P2RY12: variants seen among roughly 807,000 people sequenced by gnomAD.
The protein encoded by P2RY12 is purinergic receptor P2Y12, also known as P2Y purinoceptor 12.
Under a neutral mutation model 4.5 loss-of-function variants are expected in P2RY12, and 3 were observed. That is an observed-to-expected ratio of 0.67 (90% CI 0.31 to 1.74). The LOEUF (loss-of-function observed/expected upper bound fraction) is 1.74. Ranked by LOEUF, P2RY12 falls within the 40% of genes most tolerant of loss-of-function variation. P2RY12 has a pLI of 0.09. For synonymous variants in P2RY12, 148 were observed against 154.1 expected (o/e 0.96, Z 0.29); for missense variants, 356 against 407.8 (o/e 0.87, Z 1.09).
intron 1 of P2RY12, among the ~76,000 whole-genome samples, chr3:151,371,098 A>G (rs1015620544): frequency 3.3e-5 from 5 of 152,158 alleles, no homozygotes; most frequent in Non-Finnish European, 7.4e-5. Flanking sequence ...AAACTAAATG[A>G]GGATCTCCTA....
At chr3:151,380,570 C>T (rs1712094234) in intron 1 of P2RY12, among the ~76,000 whole-genome samples, 1 of 142,788 alleles carries the variant, frequency 7.0e-6, no homozygotes, top group East Asian at 2.1e-4. Context: ...GCACACCAGC[C>T]TGGGAAACAA....
rs987477085 is a variant in P2RY12 at position 151,371,486 on chromosome 3, T to C, written c.-180+13206A>G. Reference sequence around the variant, plus strand: ...TTAATGAGAAACATATGATTATATATTGATAAATTGAAATACATTATTTAT... The same window carrying C: ...TTAATGAGAAACATATGATTATATACTGATAAATTGAAATACATTATTTAT... On this transcript the variant is annotated intron_variant, in intron 1 of 2. Coordinates refer to ENST00000302632, the MANE Select transcript of P2RY12 (RefSeq NM_022788.5). Among the ~76,000 whole-genome samples the C allele has an allele frequency of 2.6e-5, 4 of 152,342 alleles. 1 individual carries two copies. Among genetic ancestry groups the C allele is most frequent in the African/African-American group, 9.6e-5 (4 of 41,584 alleles).
rs988902142 is a variant in P2RY12, at chr3:151,368,146, C to T, written c.-180+16546G>A. ...AACTTGCTTTTCCAATCCCCCTTTCCTAGCTTGTGGGGATGCGGACGCCGA... is the reference window on the plus strand; with the variant it reads ...AACTTGCTTTTCCAATCCCCCTTTCTTAGCTTGTGGGGATGCGGACGCCGA... On this transcript the variant is annotated intron_variant, in intron 1 of 2. Coordinates refer to ENST00000302632, the MANE Select transcript of P2RY12 (RefSeq NM_022788.5). 1.3e-5 allele frequency: 21 copies of T among 1,613,220 alleles called. No individual in the cohort carries two copies. In the African/African-American group the frequency reaches 1.9e-4, roughly 14 times the overall value.
chr3:151,347,644 G>A (rs1317693157), intron 1 of P2RY12, among the ~76,000 whole-genome samples: 1 of 152,128 alleles, frequency 6.6e-6, no homozygotes, highest in African/African-American at 2.4e-5. Context: ...GTGCCCTGGA[G>A]TCTTGGTGAA....
At chr3:151,368,742 TTCATTTCATG>T (rs1755785519) in intron 1 of P2RY12, among the ~76,000 whole-genome samples, 1 of 127,948 alleles carries the variant, frequency 7.8e-6, no homozygotes, top group Non-Finnish European at 1.6e-5. Context: ...TTCATTTCAT[TTCATTTCATG>T]TCATTTCATT....
At chr3:151,356,113 C>A in intron 1 of P2RY12, 1 of 1,456,206 alleles carries the variant, frequency 6.9e-7, no homozygotes, top group South Asian at 1.3e-5. Flanking sequence ...TAAAGTGAGC[C>A]AATTAGCTGG....
At chr3:151,382,203 A>C (rs1577512435) in intron 1 of P2RY12, among the ~76,000 whole-genome samples, 1 of 152,194 alleles carries the variant, frequency 6.6e-6, no homozygotes, top group South Asian at 2.1e-4. Context: ...CAAGGAAGAC[A>C]CATACATAAG....
chr3:151,380,984 G>C (rs16863348), intron 1 of P2RY12, among the ~76,000 whole-genome samples: 3 of 152,172 alleles, frequency 2.0e-5, no homozygotes, highest in East Asian at 1.9e-4. Flanking sequence ...AAATCAGAAG[G>C]CATGTTGGTT....
chr3:151,338,336 C>T lies in P2RY12; in HGVS notation c.510G>A (p.Lys170=), dbSNP rs756074078. 6.2e-7 allele frequency: 1 copy of T among 1,614,114 alleles called. No homozygotes were observed. ...TAAGGAAAGAGCATTTCTTCACATT[C>T]TTGTCTCTCGGCTGCCTGTTGGTCA... The part of the protein sequence containing the change: ...MILTNRQPRD[K]NVKKCSFLKS... The change falls in exon 3 of 3, where the codon AAG becomes AAA. Residue 170 remains lysine (K), a synonymous_variant. Coordinates refer to ENST00000302632, the MANE Select transcript of P2RY12 (RefSeq NM_022788.5).
chr3:151,372,315 G>A (rs899041572), intron 1 of P2RY12, among the ~76,000 whole-genome samples: 2 of 152,168 alleles, frequency 1.3e-5, no homozygotes, highest in African/African-American at 2.4e-5. Flanking sequence ...TCCAAGTTTG[G>A]TGAAACTATA....
intron 1 of P2RY12, among the ~76,000 whole-genome samples, chr3:151,343,094 A>AG (rs1752079642): frequency 6.6e-6 from 1 of 152,104 alleles, no homozygotes; most frequent in South Asian, 2.1e-4. Context: ...TCCCACTAAG[A>AG]GGCCCCAGTA....
chr3:151,376,400 T>C (rs1034863949), intron 1 of P2RY12, among the ~76,000 whole-genome samples: 14 of 152,200 alleles, frequency 9.2e-5, no homozygotes, highest in Admixed American at 7.9e-4. Flanking sequence ...AAATTGTATA[T>C]GATCATCAAA....
At chr3:151,338,978 T>G (rs1751427458) in intron 2 of P2RY12, 119 bp from the exon 3 acceptor site, 1 of 818,880 alleles carries the variant, frequency 1.2e-6, no homozygotes, top group African/African-American at 1.7e-5. Context: ...CTCATCTTCA[T>G]TGTAGTAGTT....
chr3:151,372,788 TTTAC>T, intron 1 of P2RY12: 1 of 1,597,656 alleles, frequency 6.3e-7, no homozygotes, highest in Non-Finnish European at 8.6e-7. Flanking sequence ...TAATTTGCCT[TTTAC>T]TTTGAGTACG....
At chr3:151,343,079 C>T (rs1333798226) in intron 1 of P2RY12, among the ~76,000 whole-genome samples, 3 of 152,014 alleles carry the variant, frequency 2.0e-5, no homozygotes, top group African/African-American at 7.2e-5. Context: ...TCTCCTCAAC[C>T]CCTCTCCCAC....
intron 1 of P2RY12, among the ~76,000 whole-genome samples, chr3:151,347,135 T>G (rs2149999196): frequency 6.9e-6 from 1 of 145,070 alleles, no homozygotes; most frequent in Non-Finnish European, 1.5e-5. Flanking sequence ...CCACTAAAAC[T>G]TAGTTCACCC....
intron 1 of P2RY12, among the ~76,000 whole-genome samples, chr3:151,371,369 G>T (rs1756162677): frequency 6.6e-6 from 1 of 152,188 alleles, no homozygotes; most frequent in Admixed American, 6.5e-5. Flanking sequence ...TTTGGTACTT[G>T]CAGAATTTAG....
chr3:151,377,957 G>GT (rs1711530357), intron 1 of P2RY12: 2 of 1,484,374 alleles, frequency 1.3e-6, no homozygotes, highest in East Asian at 4.8e-5. Context: ...TGTTATAACT[G>GT]TGAGAGCAGG....
chr3:151,361,372 A>G (rs1183721779), intron 1 of P2RY12, among the ~76,000 whole-genome samples: 1 of 152,130 alleles, frequency 6.6e-6, no homozygotes, highest in Non-Finnish European at 1.5e-5. Context: ...GGTTTCTATT[A>G]CAGATTGTAT....
Sources: gnomAD v4.1 joint callset for allele counts (sites outside exome capture counted in the v4.1 genomes callset) on GRCh38, gnomAD v4.1.1 for gene constraint, MANE v1.5 for transcripts, NCBI Gene and HGNC (gene_info 2026-07-23, HGNC 2026-07-21) for gene names.